Variants in SPAG16 observed in about 807,000 individuals in gnomAD.
The protein encoded by SPAG16 is sperm-associated antigen 16 protein.
In SPAG16, 86 loss-of-function variants were observed where a neutral mutation model predicts 80.4. The observed-to-expected ratio is 1.07, with a 90% confidence interval of 0.90 to 1.28. SPAG16 has a LOEUF of 1.28. Among genes scored for constraint, SPAG16 ranks in the 50% most tolerant of loss-of-function variants. SPAG16 has a pLI of 0.00. For missense variants in SPAG16, 870 were observed against 765.3 expected (o/e 1.14, Z -1.61); for synonymous variants, 294 against 265.9 (o/e 1.11, Z -1.03).
chr2:214,025,737 A>G (rs1430067134), intron 13 of SPAG16, among the ~76,000 whole-genome samples: 1 of 151,578 alleles, frequency 6.6e-6, no homozygotes, highest in East Asian at 1.9e-4. Context: ...TTGATGCACC[A>G]TATAATCATG....
At chr2:214,188,647 T>C (rs930395052) in intron 15 of SPAG16, among the ~76,000 whole-genome samples, 5 of 152,108 alleles carry the variant, frequency 3.3e-5, no homozygotes, top group Admixed American at 6.6e-5. Context: ...TCTTCAGAGG[T>C]GAGATATCTT....
intron 10 of SPAG16, among the ~76,000 whole-genome samples, chr2:213,664,748 A>C (rs556135843): frequency 6.6e-6 from 1 of 151,846 alleles, no homozygotes; most frequent in Non-Finnish European, 1.5e-5. Flanking sequence ...TTCTATTATT[A>C]CTCTGACTTT....
chr2:214,056,670 T>A (rs1365615727), intron 13 of SPAG16, among the ~76,000 whole-genome samples: 1 of 152,154 alleles, frequency 6.6e-6, no homozygotes, highest in African/African-American at 2.4e-5. Context: ...TGGCAATTTT[T>A]AAAAATAAGA....
At chr2:213,456,991 T>C (rs1445935752) in intron 9 of SPAG16, among the ~76,000 whole-genome samples, 1 of 152,178 alleles carries the variant, frequency 6.6e-6, no homozygotes, top group African/African-American at 2.4e-5. Flanking sequence ...CCTTCATTTT[T>C]TTTTTTAAAT....
At chr2:214,202,256 C>A (rs2058029521) in intron 15 of SPAG16, among the ~76,000 whole-genome samples, 1 of 152,046 alleles carries the variant, frequency 6.6e-6, no homozygotes, top group Non-Finnish European at 1.5e-5. Context: ...TTTTTTACAA[C>A]CTAAATACAT....
At chr2:213,367,595 G>A (rs1380394193) in intron 8 of SPAG16, among the ~76,000 whole-genome samples, 7 of 152,166 alleles carry the variant, frequency 4.6e-5, no homozygotes, top group Non-Finnish European at 1.0e-4. Context: ...CTTTTGAGAA[G>A]TGTCTGTTCA....
intron 10 of SPAG16, among the ~76,000 whole-genome samples, chr2:213,504,651 G>T (rs1395351239): frequency 6.6e-6 from 1 of 152,012 alleles, no homozygotes; most frequent in Admixed American, 6.6e-5. Context: ...CAACTAGCAA[G>T]AATTAAAGCA....
At chr2:213,329,776 G>A (rs1575218236) in intron 5 of SPAG16, among the ~76,000 whole-genome samples, 1 of 152,134 alleles carries the variant, frequency 6.6e-6, no homozygotes, top group East Asian at 1.9e-4. Context: ...AGAGACCTTT[G>A]CGACAACCCC....
chr2:214,333,079 A>T (rs775407643), intron 15 of SPAG16, among the ~76,000 whole-genome samples: 1 of 152,192 alleles, frequency 6.6e-6, no homozygotes, highest in Non-Finnish European at 1.5e-5. Flanking sequence ...TTAAGAGAGG[A>T]CCAAGTGAAT....
At chr2:213,810,436 A>C (rs2072062069) in intron 10 of SPAG16, among the ~76,000 whole-genome samples, 2 of 152,216 alleles carry the variant, frequency 1.3e-5, no homozygotes, top group African/African-American at 4.8e-5. Flanking sequence ...CTCATATGAC[A>C]TTATGGCATG....
At chr2:213,335,134 T>C (rs1181793481) in intron 5 of SPAG16, among the ~76,000 whole-genome samples, 1 of 152,168 alleles carries the variant, frequency 6.6e-6, no homozygotes, top group African/African-American at 2.4e-5. Flanking sequence ...GCAATATAGA[T>C]AAATGGTTAA....
At chr2:213,927,881 C>G (rs774235371) in intron 11 of SPAG16, among the ~76,000 whole-genome samples, 2 of 152,220 alleles carry the variant, frequency 1.3e-5, no homozygotes, top group East Asian at 3.9e-4. Flanking sequence ...AAGAAGCATG[C>G]TTAAATAATT....
rs916072834 is a variant in SPAG16, at chr2:214,410,373, T to G, written c.*58T>G. 1 of 1,489,920 alleles carries G rather than the reference T, an allele frequency of 6.7e-7. No individual in the cohort carries two copies. Among genetic ancestry groups the G allele is most frequent in the African/African-American group, 1.4e-5 (1 of 71,778 alleles). The allele number at this position is 1,489,920 out of a possible 1,614,324, so 92.3% of individuals were successfully genotyped here. A position where few individuals can be genotyped will look rare whatever the true frequency, so the allele number is the denominator to read the frequency against. ...CTTTAAGGCTTGAAAATGCCTCCTG[T>G]AGTCCCAAACCAGCAAAGAACTGGT... On this transcript the variant is annotated 3_prime_UTR_variant, in exon 16 of 16. Coordinates refer to ENST00000331683, the MANE Select transcript of SPAG16 (RefSeq NM_024532.5).
intron 12 of SPAG16, among the ~76,000 whole-genome samples, chr2:213,974,406 T>A (rs2045248502): frequency 6.6e-6 from 1 of 152,006 alleles, no homozygotes; most frequent in Non-Finnish European, 1.5e-5. Context: ...AATAAAAGAT[T>A]TGCTTATTTT....
intron 10 of SPAG16, among the ~76,000 whole-genome samples, chr2:213,678,939 G>GA (rs2064239320): frequency 6.6e-6 from 1 of 152,120 alleles, no homozygotes; most frequent in Admixed American, 6.5e-5. Flanking sequence ...CTCCTGTCAA[G>GA]ACTTGTAGGA....
chr2:213,864,202 C>CAA (rs1452779460), intron 11 of SPAG16, among the ~76,000 whole-genome samples: 2 of 151,890 alleles, frequency 1.3e-5, no homozygotes, highest in African/African-American at 4.8e-5. Context: ...CACTAAATAG[C>CAA]AAATGAATAT....
intron 11 of SPAG16, among the ~76,000 whole-genome samples, chr2:213,916,098 G>A (rs1415368372): frequency 6.6e-6 from 1 of 152,132 alleles, no homozygotes; most frequent in Non-Finnish European, 1.5e-5. Context: ...CTTTTGTTGT[G>A]CAGAAGCTCT....
chr2:214,177,971 G>GTGTGTATA lies in SPAG16; in HGVS notation c.1720+28706_1720+28707insGTGTATAT, dbSNP rs1397087073. On this transcript the variant is annotated intron_variant, in intron 15 of 15. Coordinates refer to ENST00000331683, the MANE Select transcript of SPAG16 (RefSeq NM_024532.5). ...TTATATCTAACTTCACAAAGTGTAT[G>GTGTGTATA]TATATATATATATATATATATATAT... 3.1e-3 allele frequency among the ~76,000 whole-genome samples: 183 copies of GTGTGTATA among 59,340 alleles called. 10 individuals carry two copies. Among genetic ancestry groups the GTGTGTATA allele is most frequent in the African/African-American group, 0.011 (174 of 16,120 alleles). 38.9% of individuals were successfully genotyped at this position (59,340 alleles called of 152,430 possible). A position where few individuals can be genotyped will look rare whatever the true frequency, so the allele number is the denominator to read the frequency against.
chr2:214,151,198 TACAAG>T (rs2055958413), intron 15 of SPAG16, among the ~76,000 whole-genome samples: 1 of 152,050 alleles, frequency 6.6e-6, no homozygotes. Flanking sequence ...TGTGCTTCTG[TACAAG>T]ACAAGTCCTC....
Sources: allele counts gnomAD v4.1 joint callset (sites outside exome capture counted in the v4.1 genomes callset), GRCh38; gene constraint gnomAD v4.1.1; transcripts MANE v1.5; gene names NCBI Gene and HGNC (gene_info 2026-07-23, HGNC 2026-07-21).